FAM174B: variants seen among roughly 807,000 people sequenced by gnomAD.
FAM174B encodes family with sequence similarity 174 member B, also known as membrane protein FAM174B.
In FAM174B, 12 loss-of-function variants were observed where a neutral mutation model predicts 10.9. The ratio of observed to expected loss-of-function variants is 1.10; its 90% CI spans 0.71 to 1.79. The LOEUF is 1.79. FAM174B is among the 40% of genes most tolerant of loss of function. The probability of loss-of-function intolerance (pLI) is 0.00; values close to 1 mark genes in which losing one functional copy is unlikely to be tolerated. For synonymous variants in FAM174B, 132 were observed against 115.8 expected, an observed-to-expected ratio of 1.14 and a Z score of -0.90; for missense variants, 266 against 233.3, an observed-to-expected ratio of 1.14 and a Z score of -0.91.
In FAM174B at chr15:92,642,133, G is replaced by A. The variant is rs574676139; in HGVS notation, c.345-11788C>T. On this transcript the variant is annotated intron_variant, in intron 1 of 2. Coordinates refer to ENST00000327355, the MANE Select transcript of FAM174B (RefSeq NM_207446.3). ...CAACGAGATACCACTTTATACCTTA[G>A]GATGGCTATAAGCAAAAAGACAGAC... 5.9e-5 allele frequency among the ~76,000 whole-genome samples: 9 copies of A among 152,288 alleles called. No homozygotes were observed. The South Asian group carries it at 1.7e-3, about 28-fold the overall frequency.
intron 1 of FAM174B, among the ~76,000 whole-genome samples, chr15:92,653,623 T>C (rs1251434296): frequency 6.6e-6 from 1 of 152,218 alleles, no homozygotes; most frequent in Non-Finnish European, 1.5e-5. Flanking sequence ...CAGCATGGCA[T>C]GGTTGGACTG....
At chr15:92,628,784 C>A (rs1241967590) in intron 2 of FAM174B, among the ~76,000 whole-genome samples, 1 of 151,910 alleles carries the variant, frequency 6.6e-6, no homozygotes, top group African/African-American at 2.4e-5. Flanking sequence ...TCATTTTCTC[C>A]AGACATGAGT....
chr15:92,627,454 A>C (rs1452218828), intron 2 of FAM174B: 3 of 163,294 alleles, frequency 1.8e-5, no homozygotes, highest in East Asian at 1.9e-4. Context: ...TCTTCATCAT[A>C]CCAGACACAA....
chr15:92,650,229 G>A (rs1780429537), intron 1 of FAM174B, among the ~76,000 whole-genome samples: 1 of 152,126 alleles, frequency 6.6e-6, no homozygotes, highest in African/African-American at 2.4e-5. Flanking sequence ...AGATAAGTAG[G>A]AAAGTTCTCG....
rs1567045434 is a variant in FAM174B at position 92,631,390 on chromosome 15, ATATATTATATTATATTAT to A, written c.345-1063_345-1046del. ...TATTATATATAATATATTATATATT[ATATATTATATTATATTAT>A]ATATAATATATAATATATAATATAA... On this transcript the variant is annotated intron_variant, in intron 1 of 2. Coordinates refer to ENST00000327355, the MANE Select transcript of FAM174B (RefSeq NM_207446.3). Among the ~76,000 whole-genome samples the A allele has an allele frequency of 2.5e-4, 9 of 35,548 alleles. 1 individual carries two copies. The highest frequency in any genetic ancestry group is 1.1e-3 in the African/African-American group (6 of 5,388). The allele number at this position is 35,548 out of a possible 152,430, so 23.3% of individuals were successfully genotyped here. A position where few individuals can be genotyped will look rare whatever the true frequency, so the allele number is the denominator to read the frequency against.
At chr15:92,647,174 C>G (rs58303362) in intron 1 of FAM174B, among the ~76,000 whole-genome samples, 2 of 152,330 alleles carry the variant, frequency 1.3e-5, no homozygotes, top group East Asian at 3.9e-4. Context: ...TTATTGTCAT[C>G]AACATCACAA....
intron 1 of FAM174B, among the ~76,000 whole-genome samples, chr15:92,631,426 TA>T (rs1289865331): frequency 1.7e-5 from 1 of 57,442 alleles, no homozygotes; most frequent in Non-Finnish European, 2.9e-5. Flanking sequence ...ATATAATATA[TA>T]ATATAATATA....
rs1334375462 is a variant in FAM174B at position 92,617,919 on chromosome 15, AC to A, written c.*1536del. 34 of 403,392 alleles carry A rather than the reference AC, an allele frequency of 8.4e-5. No homozygotes were observed. Among genetic ancestry groups the A allele is most frequent in the Non-Finnish European group, 1.2e-4 (28 of 229,078 alleles). The allele number at this position is 403,392 out of a possible 1,614,324, so 25.0% of individuals were successfully genotyped here. A position where few individuals can be genotyped will look rare whatever the true frequency, so the allele number is the denominator to read the frequency against. On this transcript the variant is annotated 3_prime_UTR_variant, in exon 3 of 3. Transcript: ENST00000327355. Reference sequence around the variant, plus strand: ...GTGCTGGGCCGGCTGCGCCACCCTCACCCAGGGCTTCCCACGGGCTCTGCTC... The same window carrying A: ...GTGCTGGGCCGGCTGCGCCACCCTCACCAGGGCTTCCCACGGGCTCTGCTC...
chr15:92,637,551 T>C (rs1269578869), intron 1 of FAM174B, among the ~76,000 whole-genome samples: 4 of 152,190 alleles, frequency 2.6e-5, no homozygotes, highest in Non-Finnish European at 4.4e-5. Flanking sequence ...TGGGGCTTTT[T>C]CCACATTTTA....
At chr15:92,633,038 T>G (rs2050829841) in intron 1 of FAM174B, among the ~76,000 whole-genome samples, 1 of 152,184 alleles carries the variant, frequency 6.6e-6, no homozygotes, top group African/African-American at 2.4e-5. Flanking sequence ...TCTCTTGAAC[T>G]TTTTCCTAAC....
intron 1 of FAM174B, among the ~76,000 whole-genome samples, chr15:92,649,041 G>A (rs995524310): frequency 4.6e-5 from 7 of 152,208 alleles, no homozygotes; most frequent in Middle Eastern, 3.4e-3. Context: ...CTTGACACTC[G>A]CCCTACAGGA....
rs2050702667 is a variant in FAM174B at position 92,619,316 on chromosome 15, A to G, written c.*140T>C. 1.1e-6 allele frequency: 1 copy of G among 902,492 alleles called. No homozygotes were observed. The highest frequency in any genetic ancestry group is 1.6e-5 in the African/African-American group (1 of 60,670). 55.9% of individuals were successfully genotyped at this position (902,492 alleles called of 1,614,324 possible). A position where few individuals can be genotyped will look rare whatever the true frequency, so the allele number is the denominator to read the frequency against. On this transcript the variant is annotated 3_prime_UTR_variant, in exon 3 of 3. Coordinates refer to ENST00000327355, the MANE Select transcript of FAM174B (RefSeq NM_207446.3). ...TCTGAGCAGATGCCTGACACGCACG[A>G]TGGAGCTGGGGTTTTATACATAACG... is the stretch of plus-strand genomic sequence containing the variant.
chr15:92,636,795 C>T (rs1475369267), intron 1 of FAM174B, among the ~76,000 whole-genome samples: 1 of 152,216 alleles, frequency 6.6e-6, no homozygotes, highest in African/African-American at 2.4e-5. Context: ...CCCCCACTCA[C>T]TCCCATCCAA....
In FAM174B at chr15:92,655,437, C is replaced by A; in HGVS notation, c.223G>T (p.Asp75Tyr). The stretch of plus-strand genomic sequence containing the variant: ...ATGGAAATGCGGGTCACCAAGGCGT[C>A]GCCACTGCTGTTGGAGCTGGAGCTG... Reference protein sequence around the residue: ...SGSSSSNSSGDALVTRISILL... With the variant: ...SGSSSSNSSGYALVTRISILL... Residue 75 changes from aspartate (D) to tyrosine (Y), a missense_variant, in exon 1 of 3, where the codon GAC (aspartate) becomes TAC (tyrosine). Physicochemically the swap from Asp to Tyr is radical, Grantham distance 160. Transcript: ENST00000327355. The A allele has an allele frequency of 2.7e-6, 4 of 1,492,900 alleles. No homozygotes were observed. The highest frequency in any genetic ancestry group is 3.5e-6 in the Non-Finnish European group (4 of 1,129,114). The allele number at this position is 1,492,900 out of a possible 1,614,324, so 92.5% of individuals were successfully genotyped here.
chr15:92,635,169 C>CACA (rs2050846736), intron 1 of FAM174B, among the ~76,000 whole-genome samples: 51 of 10,774 alleles, frequency 4.7e-3, no homozygotes, highest in Middle Eastern at 0.091. Context: ...CCACACACAC[C>CACA]CACACACACA....
At chr15:92,630,390 AAG>A in intron 1 of FAM174B, 45 bp from the exon 2 acceptor site, 1 of 1,563,584 alleles carries the variant, frequency 6.4e-7, no homozygotes, top group Non-Finnish European at 8.7e-7. Context: ...CTGGGAGAGA[AAG>A]AGTCACTGGG....
intron 1 of FAM174B, among the ~76,000 whole-genome samples, chr15:92,650,491 G>GT (rs2141965438): frequency 6.6e-6 from 1 of 152,318 alleles, no homozygotes; most frequent in Admixed American, 6.5e-5. Context: ...AGCCTGCACC[G>GT]TGGAGTTCGG....
intron 1 of FAM174B, among the ~76,000 whole-genome samples, chr15:92,633,004 C>T (rs1425262574): frequency 1.3e-5 from 2 of 152,076 alleles, no homozygotes; most frequent in East Asian, 3.8e-4. Context: ...TGATGACTGA[C>T]GTTCTTTGTG....
rs576702904 is a variant in FAM174B at position 92,647,210 on chromosome 15, C to T, written c.344+8106G>A. Among the ~76,000 whole-genome samples the T allele has an allele frequency of 5.3e-5, 8 of 152,306 alleles. No homozygotes were observed. The South Asian group carries it at 8.3e-4, about 16-fold the overall frequency. On this transcript the variant is annotated intron_variant, in intron 1 of 2. Coordinates refer to ENST00000327355, the MANE Select transcript of FAM174B (RefSeq NM_207446.3). ...TTTCCAAGTGATTTCACAAACCCTA[C>T]CCTCAGCAAAGCTTGCTTCACCCAT...
Sources: gnomAD v4.1 joint callset for allele counts (sites outside exome capture counted in the v4.1 genomes callset) on GRCh38, gnomAD v4.1.1 for gene constraint, MANE v1.5 for transcripts, NCBI Gene and HGNC (gene_info 2026-07-23, HGNC 2026-07-21) for gene names.